Variants in PEX2 observed in about 807,000 individuals in gnomAD.
PEX2 encodes the protein peroxisomal biogenesis factor 2.
PEX2 carries 19 observed loss-of-function variants against 25.2 expected under a neutral mutation model. The observed-to-expected ratio is 0.75, with a 90% confidence interval of 0.53 to 1.10. The LOEUF (loss-of-function observed/expected upper bound fraction) is 1.10, where lower values mean the gene tolerates loss of function less well. PEX2 is among the 50% of genes least tolerant of loss of function. The probability of loss-of-function intolerance (pLI) is 0.00; values close to 1 mark genes in which losing one functional copy is unlikely to be tolerated. For synonymous variants in PEX2, 141 were observed against 127.7 expected (o/e 1.10, Z -0.70); for missense variants, 347 against 350.6 (o/e 0.99, Z 0.08).
chr8:76,993,203 G>A (rs1424470721), intron 1 of PEX2, among the ~76,000 whole-genome samples: 3 of 152,160 alleles, frequency 2.0e-5, no homozygotes, highest in Non-Finnish European at 4.4e-5. Context: ...TATTGATTCT[G>A]TAGGCATGAA....
chr8:76,989,278 GCT>G (rs1807094667), intron 1 of PEX2, among the ~76,000 whole-genome samples: 1 of 151,990 alleles, frequency 6.6e-6, no homozygotes, highest in Non-Finnish European at 1.5e-5. Flanking sequence ...TCTAATTATA[GCT>G]CTCTTACTAT....
intron 1 of PEX2, among the ~76,000 whole-genome samples, chr8:76,992,608 G>A (rs1250275731): frequency 6.6e-6 from 1 of 152,172 alleles, no homozygotes; most frequent in East Asian, 1.9e-4. Flanking sequence ...TAATAGGTAT[G>A]AAGCATAAAT....
At position 76,983,609 on chromosome 8, in the gene PEX2, G is replaced by A. The variant is rs769765158; in HGVS notation, c.570C>T (p.Tyr190=). Reference sequence around the variant, plus strand: ...CATGCCAGAGAAGTTCCCTATTCATGTATTCAAAGCCAACTTCACATATGT... The same window carrying A: ...CATGCCAGAGAAGTTCCCTATTCATATATTCAAAGCCAACTTCACATATGT... ...PQNICEVGFE[Y]MNRELLWHGF... Residue 190 remains tyrosine, a synonymous_variant, in exon 4 of 4, where the codon TAC becomes TAT. Transcript: ENST00000357039. The A allele has an allele frequency of 2.4e-5, 38 of 1,613,808 alleles. No homozygotes were observed. The Admixed American group carries it at 6.3e-4, about 27-fold the overall frequency.
intron 1 of PEX2, among the ~76,000 whole-genome samples, chr8:76,988,700 G>A (rs1435461515): frequency 2.6e-5 from 4 of 152,152 alleles, no homozygotes; most frequent in African/African-American, 9.7e-5. Flanking sequence ...TTTCTCTGTA[G>A]CATGCGAAGC....
intron 1 of PEX2, 171 bp downstream of exon 1, chr8:76,999,819 C>T (rs747408369): frequency 2.2e-6 from 1 of 456,592 alleles, no homozygotes; most frequent in South Asian, 1.5e-5. Flanking sequence ...TGCTTCACTG[C>T]CTTTCCCAAA....
intron 1 of PEX2, among the ~76,000 whole-genome samples, chr8:76,990,699 G>T (rs1383260121): frequency 6.6e-6 from 1 of 151,818 alleles, no homozygotes; most frequent in Non-Finnish European, 1.5e-5. Context: ...TGGTGCCCCA[G>T]AATATTTATA....
chr8:76,988,549 T>C (rs182362190), intron 1 of PEX2, among the ~76,000 whole-genome samples: 180 of 152,320 alleles, frequency 1.2e-3, no homozygotes, highest in African/African-American at 4.0e-3. Context: ...ATAATCTTTT[T>C]GATAGTGGAG....
intron 1 of PEX2, among the ~76,000 whole-genome samples, chr8:76,996,746 C>A (rs1227318367): frequency 6.6e-6 from 1 of 152,200 alleles, no homozygotes; most frequent in African/African-American, 2.4e-5. Context: ...ATAGGAGGAA[C>A]TACCATGTGA....
intron 1 of PEX2, among the ~76,000 whole-genome samples, chr8:76,997,222 A>C (rs183864157): frequency 4.6e-5 from 7 of 152,342 alleles, no homozygotes; most frequent in African/African-American, 1.7e-4. Flanking sequence ...ATCTGAACAA[A>C]AGGAATAGAT....
rs756891007 is a variant in PEX2 at position 76,983,628 on chromosome 8, CAT to C, written c.549_550del (p.Ile183MetfsTer2). The C allele has an allele frequency of 6.2e-7, 1 of 1,613,902 alleles. No individual in the cohort carries two copies. Among genetic ancestry groups the C allele is most frequent in the Non-Finnish European group, 8.5e-7 (1 of 1,179,812 alleles). On this transcript the variant is annotated frameshift_variant, in exon 4 of 4. Transcript: ENST00000357039. LOFTEE classifies it high-confidence loss of function. Reference sequence around the variant, plus strand: ...ATTCATGTATTCAAAGCCAACTTCACATATGTTTTGAGGCTTGCAAAATACAG... The same window carrying C: ...ATTCATGTATTCAAAGCCAACTTCACATGTTTTGAGGCTTGCAAAATACAG...
At position 76,983,018 on chromosome 8, in the gene PEX2, C is replaced by A; in HGVS notation, c.*243G>T. 1 of 1,106,990 alleles carries A rather than the reference C, an allele frequency of 9.0e-7. No individual in the cohort carries two copies. The highest frequency in any genetic ancestry group is 1.2e-6 in the Non-Finnish European group (1 of 827,318). The allele number at this position is 1,106,990 out of a possible 1,614,324, so 68.6% of individuals were successfully genotyped here. A position where few individuals can be genotyped will look rare whatever the true frequency, so the allele number is the denominator to read the frequency against. Reference sequence around the variant, plus strand: ...TAGTAGTCACCTGACAAAAGCTGTCCATTATTCTTGACATTAAAAATTGAA... The same window carrying A: ...TAGTAGTCACCTGACAAAAGCTGTCAATTATTCTTGACATTAAAAATTGAA... On this transcript the variant is annotated 3_prime_UTR_variant, in exon 4 of 4. Coordinates refer to ENST00000357039, the MANE Select transcript of PEX2 (RefSeq NM_000318.3).
intron 1 of PEX2, among the ~76,000 whole-genome samples, chr8:76,999,155 T>C (rs748849494): frequency 6.6e-6 from 1 of 152,144 alleles, no homozygotes; most frequent in Non-Finnish European, 1.5e-5. Context: ...GGTAACACTT[T>C]AGGGGAAGGT....
intron 1 of PEX2, 123 bp downstream of exon 1, chr8:76,999,867 G>A (rs969161981): frequency 2.2e-6 from 1 of 456,420 alleles, no homozygotes. Context: ...AGGGAGACAG[G>A]AAGCCAATAA....
In PEX2 at chr8:76,982,884, A is replaced by T. The variant is rs1290928494; in HGVS notation, c.*377T>A. 2 of 271,866 alleles carry T rather than the reference A, an allele frequency of 7.4e-6. No individual in the cohort carries two copies. Among genetic ancestry groups the T allele is most frequent in the African/African-American group, 4.6e-5 (2 of 43,712 alleles). 16.8% of individuals were successfully genotyped at this position (271,866 alleles called of 1,614,324 possible). A position where few individuals can be genotyped will look rare whatever the true frequency, so the allele number is the denominator to read the frequency against. On this transcript the variant is annotated 3_prime_UTR_variant, in exon 4 of 4. Coordinates refer to ENST00000357039, the MANE Select transcript of PEX2 (RefSeq NM_000318.3). ...ACAGTCTCATAATTGTCACATTATC[A>T]TATTATGTCAACTCTGAAAATAAAT...
At position 76,988,706 on chromosome 8, in the gene PEX2, G is replaced by A. The variant is rs557210469; in HGVS notation, c.-159-368C>T. Among the ~76,000 whole-genome samples, 5 of 152,288 alleles carry A rather than the reference G, an allele frequency of 3.3e-5. No individual in the cohort carries two copies. The South Asian group carries it at 6.2e-4, about 19-fold the overall frequency. ...CATGAAAGATTTCTCTGTAGCATGC[G>A]AAGCTTTCTGATAGCATTTTACCAA... On this transcript the variant is annotated intron_variant, in intron 1 of 3. Coordinates refer to ENST00000357039, the MANE Select transcript of PEX2 (RefSeq NM_000318.3).
chr8:76,991,001 T>C (rs1309307420), intron 1 of PEX2, among the ~76,000 whole-genome samples: 1 of 152,188 alleles, frequency 6.6e-6, no homozygotes, highest in Non-Finnish European at 1.5e-5. Flanking sequence ...AGGTGTGAAC[T>C]AGGCTATACC....
chr8:76,987,161 C>G (rs1354702924), intron 2 of PEX2, among the ~76,000 whole-genome samples: 2 of 152,102 alleles, frequency 1.3e-5, no homozygotes, highest in African/African-American at 4.8e-5. Context: ...GTTTTCAACC[C>G]TTGTGGAGGG....
chr8:76,983,164 T>C lies in PEX2; in HGVS notation c.*97A>G. Reference sequence around the variant, plus strand: ...GAGAAGACAGTGGCTAGGAGCACATTCCTTATAAAGGATACATAAATGGTA... The same window carrying C: ...GAGAAGACAGTGGCTAGGAGCACATCCCTTATAAAGGATACATAAATGGTA... On this transcript the variant is annotated 3_prime_UTR_variant, in exon 4 of 4. Transcript: ENST00000357039. 2.5e-6 allele frequency: 4 copies of C among 1,593,582 alleles called. No homozygotes were observed. The highest frequency in any genetic ancestry group is 3.4e-6 in the Non-Finnish European group (4 of 1,177,196).
intron 2 of PEX2, among the ~76,000 whole-genome samples, chr8:76,987,238 G>A (rs904679487): frequency 2.0e-5 from 3 of 152,148 alleles, no homozygotes; most frequent in African/African-American, 4.8e-5. Context: ...AATAAGGTGC[G>A]ATCAGTGATA....
Sources: gnomAD v4.1 joint callset for allele counts (sites outside exome capture counted in the v4.1 genomes callset) on GRCh38, gnomAD v4.1.1 for gene constraint, MANE v1.5 for transcripts, NCBI Gene and HGNC (gene_info 2026-07-23, HGNC 2026-07-21) for gene names.